The following XKR9 variants were observed in gnomAD, a reference collection of about 807,000 sequenced individuals.
The protein encoded by XKR9 is XK related 9.
XKR9 carries 32 observed loss-of-function variants against 32.0 expected under a neutral mutation model. The observed-to-expected ratio is 1.00, with a 90% CI of 0.76 to 1.34. The LOEUF is 1.34. XKR9 is among the 40% of genes most tolerant of loss of function. The pLI, the probability that XKR9 is intolerant of heterozygous loss-of-function variation, is 0.00. For missense variants in XKR9, 546 were observed against 429.7 expected (o/e 1.27, Z -2.39); for synonymous variants, 168 against 143.4 (o/e 1.17, Z -1.22).
intron 2 of XKR9, among the ~76,000 whole-genome samples, chr8:70,772,531 A>G (rs1312364696): frequency 6.6e-6 from 1 of 152,200 alleles, no homozygotes; most frequent in Non-Finnish European, 1.5e-5. Context: ...TGGTTATTAT[A>G]TCTTTCACTA....
At chr8:70,853,487 C>T in the XKR9 span, among the ~76,000 whole-genome samples, 1,106 of 151,550 alleles carry the variant, frequency 7.3e-3, 9 homozygotes, top group Non-Finnish European at 0.013. Context: ...TATACATCTA[C>T]CATGTACTCA....
the XKR9 span, among the ~76,000 whole-genome samples, chr8:70,901,943 A>C: frequency 2.0e-5 from 3 of 152,112 alleles, no homozygotes; most frequent in African/African-American, 4.8e-5. Flanking sequence ...TGTTTTTGTC[A>C]GGTTTGTCAA....
downstream of XKR9, among the ~76,000 whole-genome samples, chr8:70,736,739 G>T (rs1268197532): frequency 1.3e-5 from 2 of 151,962 alleles, no homozygotes; most frequent in South Asian, 2.1e-4. Flanking sequence ...TTTCCCCATT[G>T]CTTGTTTTTG....
intron 2 of XKR9, among the ~76,000 whole-genome samples, chr8:70,787,943 G>A (rs1807710202): frequency 6.6e-6 from 1 of 151,982 alleles, no homozygotes; most frequent in Non-Finnish European, 1.5e-5. Flanking sequence ...AGAGGAATAG[G>A]TCCATGACAT....
chr8:71,057,910 C>T, the XKR9 span, among the ~76,000 whole-genome samples: 3 of 152,108 alleles, frequency 2.0e-5, no homozygotes, highest in South Asian at 2.1e-4. Flanking sequence ...TGGGGCCATG[C>T]GCGGTGGCTT....
At chr8:71,032,516 A>G in the XKR9 span, among the ~76,000 whole-genome samples, 1 of 152,076 alleles carries the variant, frequency 6.6e-6, no homozygotes, top group Non-Finnish European at 1.5e-5. Flanking sequence ...AGCTAGACAG[A>G]TTTGGGAGAG....
the XKR9 span, among the ~76,000 whole-genome samples, chr8:70,810,882 G>A: frequency 6.6e-6 from 1 of 152,078 alleles, no homozygotes; most frequent in Non-Finnish European, 1.5e-5. Context: ...ACAGATCAAC[G>A]AGACAGAAAG....
At chr8:70,892,912 G>A in the XKR9 span, among the ~76,000 whole-genome samples, 14 of 152,078 alleles carry the variant, frequency 9.2e-5, no homozygotes, top group African/African-American at 3.4e-4. Context: ...AAAATATCAT[G>A]TCATTAAATA....
At chr8:70,899,053 A>G in the XKR9 span, among the ~76,000 whole-genome samples, 1 of 152,188 alleles carries the variant, frequency 6.6e-6, no homozygotes, top group Admixed American at 6.5e-5. Context: ...AGCTGGGACT[A>G]AAATTGTGCA....
chr8:70,724,977 G>A (rs6999739), intron 4 of XKR9, among the ~76,000 whole-genome samples: 61,315 of 152,044 alleles, frequency 0.4, 13,911 homozygotes, highest in Non-Finnish European at 0.52. Flanking sequence ...CAGTTCTGCA[G>A]TGCTGGTAGG....
At chr8:70,684,446 C>T (rs1362426631) in intron 3 of XKR9, among the ~76,000 whole-genome samples, 1 of 152,022 alleles carries the variant, frequency 6.6e-6, no homozygotes, top group Non-Finnish European at 1.5e-5. Flanking sequence ...TTCACTTGTA[C>T]TAAGTATACA....
chr8:70,749,661 A>G (rs891329378), intron 2 of XKR9, among the ~76,000 whole-genome samples: 1 of 152,188 alleles, frequency 6.6e-6, no homozygotes, highest in Non-Finnish European at 1.5e-5. Flanking sequence ...CTTGGCAGGC[A>G]TGGGATCCAG....
chr8:70,893,368 A>G, the XKR9 span, among the ~76,000 whole-genome samples: 1 of 150,090 alleles, frequency 6.7e-6, no homozygotes, highest in Non-Finnish European at 1.5e-5. Flanking sequence ...CTCTTACTAC[A>G]CAGTTACGAT....
At chr8:70,969,437 T>C in the XKR9 span, among the ~76,000 whole-genome samples, 1 of 152,172 alleles carries the variant, frequency 6.6e-6, no homozygotes, top group Non-Finnish European at 1.5e-5. Flanking sequence ...ATGGGTTACA[T>C]TCAGACCAAC....
chr8:70,718,088 A>T (rs1373143799), intron 4 of XKR9, among the ~76,000 whole-genome samples: 1 of 152,118 alleles, frequency 6.6e-6, no homozygotes, highest in African/African-American at 2.4e-5. Context: ...AAAGGCATTC[A>T]ACAAGTCTCT....
the XKR9 span, among the ~76,000 whole-genome samples, chr8:70,795,647 A>T: frequency 6.6e-6 from 1 of 152,072 alleles, no homozygotes; most frequent in Non-Finnish European, 1.5e-5. Flanking sequence ...AGCATCTGTT[A>T]TTTTTTGACT....
chr8:71,064,843 G>A, the XKR9 span, among the ~76,000 whole-genome samples: 1 of 152,106 alleles, frequency 6.6e-6, no homozygotes, highest in Non-Finnish European at 1.5e-5. Context: ...TCTCTCTAAG[G>A]ACTTTTTAGA....
At chr8:70,669,658 C>G (rs1818634210) in intron 1 of XKR9, 120 bp downstream of exon 1, 1 of 107,990 alleles carries the variant, frequency 9.3e-6, no homozygotes, top group Non-Finnish European at 1.9e-5. Context: ...TAGTAGTAGC[C>G]TGTTCATTTT....
At chr8:70,740,118 A>T (rs1264037063), downstream of XKR9, among the ~76,000 whole-genome samples, 1 of 152,076 alleles carries the variant, frequency 6.6e-6, no homozygotes, top group Non-Finnish European at 1.5e-5. Context: ...TCAGATGTAG[A>T]TTTGGTCTTT....
Sources: allele counts gnomAD v4.1 joint callset (sites outside exome capture counted in the v4.1 genomes callset), GRCh38; gene constraint gnomAD v4.1.1; transcripts MANE v1.5; gene names NCBI Gene and HGNC (gene_info 2026-07-23, HGNC 2026-07-21).